Variants in CDH13 observed in about 807,000 individuals in gnomAD.
The protein encoded by CDH13 is cadherin 13, also known as cadherin-13.
A neutral mutation model predicts 63.8 loss-of-function variants in CDH13; 24 were observed. The ratio of observed to expected loss-of-function variants is 0.38; its 90% CI spans 0.27 to 0.53. The LOEUF is 0.53. Ranked by LOEUF, CDH13 falls within the 20% of genes least tolerant of loss-of-function variation. The pLI, the probability that CDH13 is intolerant of heterozygous loss-of-function variation, is 0.85. For synonymous variants in CDH13, 503 were observed against 355.3 expected (o/e 1.42, Z -4.67); for missense variants, 1,049 against 903.1 (o/e 1.16, Z -2.07).
At chr16:83,031,268 GCGCA>G (rs1242113098) in intron 2 of CDH13, among the ~76,000 whole-genome samples, 109 of 146,078 alleles carry the variant, frequency 7.5e-4, no homozygotes, top group Middle Eastern at 3.5e-3. Flanking sequence ...CCATATACAT[GCGCA>G]TGTATACACC....
At position 83,231,832 on chromosome 16, in the gene CDH13, G is replaced by A. The variant is rs551301023; in HGVS notation, c.636+14335G>A. ...AATGCGACCCCCAGCACTGGAGGTGGGGCCTGGTGGGAGGTGATTGAATCA... is the reference window on the plus strand; with the variant it reads ...AATGCGACCCCCAGCACTGGAGGTGAGGCCTGGTGGGAGGTGATTGAATCA... On this transcript the variant is annotated intron_variant, in intron 5 of 13. Coordinates refer to ENST00000567109, the MANE Select transcript of CDH13 (RefSeq NM_001257.5). 1.6e-4 allele frequency among the ~76,000 whole-genome samples: 25 copies of A among 152,278 alleles called. No individual in the cohort carries two copies. The East Asian group carries it at 3.9e-3, about 24-fold the overall frequency.
At chr16:83,136,243 G>T (rs750792175) in intron 4 of CDH13, among the ~76,000 whole-genome samples, 7 of 151,766 alleles carry the variant, frequency 4.6e-5, no homozygotes, top group Non-Finnish European at 8.8e-5. Context: ...CAGCACTTTG[G>T]GAGGCCGAGG....
At chr16:83,126,145 G>T (rs2035801593) in intron 4 of CDH13, among the ~76,000 whole-genome samples, 1 of 152,208 alleles carries the variant, frequency 6.6e-6, no homozygotes. Context: ...AGAAACAAGT[G>T]CTCAGTGCCG....
intron 8 of CDH13, among the ~76,000 whole-genome samples, chr16:83,621,016 AC>A (rs540436709): frequency 5.9e-5 from 9 of 152,152 alleles, no homozygotes; most frequent in Admixed American, 1.3e-4. Context: ...AGGGTCAGAG[AC>A]CTTTATATGC....
chr16:82,861,906 C>G (rs1015323668), intron 2 of CDH13, among the ~76,000 whole-genome samples: 3 of 152,182 alleles, frequency 2.0e-5, no homozygotes, highest in Admixed American at 1.3e-4. Context: ...CTCAGGGAAA[C>G]TTGGGTAAAA....
At position 82,668,221 on chromosome 16, in the gene CDH13, T is replaced by C. The variant is rs570732706; in HGVS notation, c.45+41084T>C. On this transcript the variant is annotated intron_variant, in intron 1 of 13. Transcript: ENST00000567109. ...CACCAAACCCTGGCACCTAAGACTT[T>C]GGTTGTTCCCCGTGTCCTATGAGCC... 7.2e-4 allele frequency among the ~76,000 whole-genome samples: 109 copies of C among 152,188 alleles called. 2 individuals carry two copies. The Middle Eastern group carries it at 0.01, about 14-fold the overall frequency.
At chr16:83,570,112 T>G (rs893352290) in intron 7 of CDH13, among the ~76,000 whole-genome samples, 2 of 152,170 alleles carry the variant, frequency 1.3e-5, no homozygotes, top group Non-Finnish European at 2.9e-5. Flanking sequence ...TAGCCCCTGT[T>G]TTCTTACAAA....
At chr16:83,273,026 C>T (rs117989212) in intron 5 of CDH13, among the ~76,000 whole-genome samples, 9,310 of 152,192 alleles carry the variant, frequency 0.061, 382 homozygotes, top group Middle Eastern at 0.15. Context: ...GTGGCTGGTG[C>T]CTACACAACA....
chr16:82,961,046 C>G (rs932566936), intron 2 of CDH13, among the ~76,000 whole-genome samples: 15 of 152,164 alleles, frequency 9.9e-5, no homozygotes, highest in Non-Finnish European at 1.3e-4. Context: ...AGCAGATGCT[C>G]CGTTTTTATG....
intron 2 of CDH13, among the ~76,000 whole-genome samples, chr16:82,996,151 A>G (rs1372524107): frequency 6.6e-6 from 1 of 152,196 alleles, no homozygotes; most frequent in Non-Finnish European, 1.5e-5. Flanking sequence ...TAGGAAAAAA[A>G]GGCAATTAGT....
rs554324945 is a variant in CDH13 at position 83,288,894 on chromosome 16, C to A, written c.637-55968C>A. Among the ~76,000 whole-genome samples, 13 of 152,290 alleles carry A rather than the reference C, an allele frequency of 8.5e-5. 1 individual carries two copies. The South Asian group carries it at 2.7e-3, about 32-fold the overall frequency. ...ACTGAAAAGACAGTGGTATTTGCAT[C>A]CTTTTGAACATTCGCCTGGATTTGC... On this transcript the variant is annotated intron_variant, in intron 5 of 13. Coordinates refer to ENST00000567109, the MANE Select transcript of CDH13 (RefSeq NM_001257.5).
intron 4 of CDH13, among the ~76,000 whole-genome samples, chr16:83,216,540 T>C (rs200478849): frequency 1.4e-5 from 2 of 141,094 alleles, no homozygotes; most frequent in East Asian, 4.0e-4. Context: ...ATTTAATATA[T>C]ATAATGGGGT....
At chr16:82,837,964 G>A (rs962853460) in intron 1 of CDH13, among the ~76,000 whole-genome samples, 7 of 152,160 alleles carry the variant, frequency 4.6e-5, no homozygotes, top group South Asian at 2.1e-4. Flanking sequence ...AATCTGCTTC[G>A]TAACTCTTTT....
chr16:83,362,990 C>G (rs1229137887), intron 6 of CDH13, among the ~76,000 whole-genome samples: 1 of 152,182 alleles, frequency 6.6e-6, no homozygotes, highest in African/African-American at 2.4e-5. Context: ...ATGAGACAGT[C>G]CGGCTATGCC....
At chr16:83,174,980 G>A (rs1255091419) in intron 4 of CDH13, among the ~76,000 whole-genome samples, 1 of 152,102 alleles carries the variant, frequency 6.6e-6, no homozygotes, top group Non-Finnish European at 1.5e-5. Context: ...TCCCTCCCCT[G>A]ACACATGGGG....
chr16:83,385,858 G>C (rs1420908202), intron 6 of CDH13, among the ~76,000 whole-genome samples: 1 of 152,106 alleles, frequency 6.6e-6, no homozygotes, highest in Non-Finnish European at 1.5e-5. Context: ...AAAACTGACA[G>C]GCCAATGTAC....
At chr16:82,697,150 A>G (rs1313119747) in intron 1 of CDH13, among the ~76,000 whole-genome samples, 1 of 152,220 alleles carries the variant, frequency 6.6e-6, no homozygotes, top group Non-Finnish European at 1.5e-5. Context: ...CTCAGAGGGA[A>G]GGGAATTAAA....
chr16:83,677,929 G>C (rs933878056), intron 9 of CDH13, among the ~76,000 whole-genome samples: 1 of 152,078 alleles, frequency 6.6e-6, no homozygotes, highest in Non-Finnish European at 1.5e-5. Context: ...AAGTCACTCA[G>C]TGTCCGGATC....
chr16:83,218,790 C>T (rs984330632), intron 5 of CDH13, among the ~76,000 whole-genome samples: 1 of 152,154 alleles, frequency 6.6e-6, no homozygotes, highest in East Asian at 1.9e-4. Flanking sequence ...AGAATTCACA[C>T]GTGTCATGGG....
Sources: gnomAD v4.1 joint callset for allele counts (sites outside exome capture counted in the v4.1 genomes callset) on GRCh38, gnomAD v4.1.1 for gene constraint, MANE v1.5 for transcripts, NCBI Gene and HGNC (gene_info 2026-07-23, HGNC 2026-07-21) for gene names.